SNAP91: variants seen among roughly 807,000 people sequenced by gnomAD.
SNAP91 encodes synaptosome associated protein 91, also known as clathrin coat assembly protein AP180.
A neutral mutation model predicts 100.3 loss-of-function variants in SNAP91; 27 were observed. The ratio of observed to expected loss-of-function variants is 0.27; its 90% CI spans 0.20 to 0.37. The LOEUF (loss-of-function observed/expected upper bound fraction) is 0.37. SNAP91 is among the 10% of genes least tolerant of loss of function. SNAP91 has a pLI of 1.00. For synonymous variants in SNAP91, 404 were observed against 398.6 expected (o/e 1.01, Z -0.16); for missense variants, 986 against 1,123.7 (o/e 0.88, Z 1.75).
chr6:83,558,808 G>T (rs1472034552), intron 28 of SNAP91, among the ~76,000 whole-genome samples: 1 of 152,156 alleles, frequency 6.6e-6, no homozygotes, highest in African/African-American at 2.4e-5. Flanking sequence ...TAGTAATTTG[G>T]TGTCCTGCCC....
At chr6:83,613,712 C>T (rs2096294955) in intron 11 of SNAP91, among the ~76,000 whole-genome samples, 1 of 152,214 alleles carries the variant, frequency 6.6e-6, no homozygotes, top group African/African-American at 2.4e-5. Context: ...AAACTTGGCA[C>T]ATTTGCTTCT....
intron 2 of SNAP91, among the ~76,000 whole-genome samples, chr6:83,668,574 G>GC (rs1221167785): frequency 1.3e-5 from 2 of 151,410 alleles, no homozygotes; most frequent in Non-Finnish European, 2.9e-5. Flanking sequence ...GCAAACTATC[G>GC]CAAGAACAAA....
chr6:83,592,651 G>C (rs1212680165), intron 20 of SNAP91, 113 bp from the exon 21 acceptor site: 1 of 847,924 alleles, frequency 1.2e-6, no homozygotes, highest in Non-Finnish European at 1.9e-6. Flanking sequence ...CAGAAAGACT[G>C]TAGACAATCT....
intron 2 of SNAP91, among the ~76,000 whole-genome samples, chr6:83,697,324 GCACACACACACACACA>G (rs57251608): frequency 4.5e-4 from 62 of 138,150 alleles, no homozygotes; most frequent in African/African-American, 1.4e-3. Context: ...GAAAATAGCT[GCACACACACACACACA>G]CACACACACA....
At position 83,612,144 on chromosome 6, in the gene SNAP91, A is replaced by G. The variant is rs909713429; in HGVS notation, c.885-1467T>C. Among the ~76,000 whole-genome samples the G allele has an allele frequency of 5.3e-5, 8 of 152,264 alleles. No individual in the cohort carries two copies. The East Asian group carries it at 1.4e-3, about 26-fold the overall frequency. On this transcript the variant is annotated intron_variant, in intron 11 of 29. Transcript: ENST00000369694. ...TAGCAAGGGCACAGAGATTTCTGCT[A>G]TATAACAAGCATAAGGGTAACAACT...
chr6:83,634,453 G>T (rs1045037810), intron 8 of SNAP91, among the ~76,000 whole-genome samples: 13 of 152,150 alleles, frequency 8.5e-5, no homozygotes, highest in African/African-American at 3.1e-4. Flanking sequence ...TTCTGGGTCT[G>T]GTAGGAGCAA....
chr6:83,568,492 A>ATAAT (rs1225397931), intron 26 of SNAP91, among the ~76,000 whole-genome samples: 1 of 151,284 alleles, frequency 6.6e-6, no homozygotes, highest in African/African-American at 2.4e-5. Context: ...AATAATAATA[A>ATAAT]TAATAATAAT....
chr6:83,632,590 AT>A (rs1323006186), intron 8 of SNAP91, among the ~76,000 whole-genome samples: 1 of 152,044 alleles, frequency 6.6e-6, no homozygotes, highest in African/African-American at 2.4e-5. Flanking sequence ...GTATTTTCTT[AT>A]TCTTTTTTCT....
At chr6:83,578,606 T>C (rs1028066614) in intron 24 of SNAP91, among the ~76,000 whole-genome samples, 1 of 152,216 alleles carries the variant, frequency 6.6e-6, no homozygotes, top group Non-Finnish European at 1.5e-5. Context: ...ATTGAATTGT[T>C]AGAGTTCTTT....
At chr6:83,643,953 C>T (rs1384737881) in intron 7 of SNAP91, among the ~76,000 whole-genome samples, 3 of 152,114 alleles carry the variant, frequency 2.0e-5, no homozygotes, top group Admixed American at 6.5e-5. Flanking sequence ...GATAAACTCA[C>T]GGTGCTATAA....
At chr6:83,624,739 T>C (rs994715875) in intron 8 of SNAP91, among the ~76,000 whole-genome samples, 1 of 152,004 alleles carries the variant, frequency 6.6e-6, no homozygotes, top group Non-Finnish European at 1.5e-5. Context: ...AATGCTATCC[T>C]TTGAGGAGGG....
At chr6:83,677,546 T>A (rs138038019) in intron 2 of SNAP91, among the ~76,000 whole-genome samples, 2 of 152,150 alleles carry the variant, frequency 1.3e-5, no homozygotes, top group South Asian at 4.1e-4. Context: ...CCAAATATTG[T>A]CAATCCTTAG....
chr6:83,609,106 C>T (rs774669706), intron 12 of SNAP91, among the ~76,000 whole-genome samples: 4 of 151,950 alleles, frequency 2.6e-5, no homozygotes, highest in Non-Finnish European at 5.9e-5. Flanking sequence ...ATATTATCAA[C>T]ATAAATGCAA....
chr6:83,690,587 C>T (rs990343569), intron 2 of SNAP91, among the ~76,000 whole-genome samples: 1 of 152,094 alleles, frequency 6.6e-6, no homozygotes, highest in Non-Finnish European at 1.5e-5. Context: ...CTACTAAAAT[C>T]GGATGCATTT....
At chr6:83,614,546 G>A (rs1218497731) in intron 11 of SNAP91, among the ~76,000 whole-genome samples, 2 of 151,914 alleles carry the variant, frequency 1.3e-5, no homozygotes, top group African/African-American at 4.8e-5. Flanking sequence ...ATAAGCCATG[G>A]GGAAGTCTTT....
intron 7 of SNAP91, among the ~76,000 whole-genome samples, chr6:83,643,345 C>A (rs1392380519): frequency 6.6e-6 from 1 of 152,158 alleles, no homozygotes. Flanking sequence ...AGTCTTTAAT[C>A]CATCTTGAAT....
At chr6:83,600,945 G>C (rs1479353937) in intron 16 of SNAP91, among the ~76,000 whole-genome samples, 2 of 152,168 alleles carry the variant, frequency 1.3e-5, no homozygotes, top group Admixed American at 6.5e-5. Context: ...AAAGGTGACA[G>C]AGAGCTCTGG....
chr6:83,680,155 T>G (rs918761026), intron 2 of SNAP91, among the ~76,000 whole-genome samples: 1 of 152,062 alleles, frequency 6.6e-6, no homozygotes, highest in Non-Finnish European at 1.5e-5. Context: ...GTTTAAAAAT[T>G]TAGGATTAAA....
At chr6:83,580,746 CTG>C (rs1417429121) in intron 23 of SNAP91, 147 bp from the exon 24 acceptor site, 1 of 672,046 alleles carries the variant, frequency 1.5e-6, no homozygotes, top group East Asian at 2.8e-5. Context: ...CTTTTCATGA[CTG>C]TAACACCAAG....
Sources: allele counts gnomAD v4.1 joint callset (sites outside exome capture counted in the v4.1 genomes callset), GRCh38; gene constraint gnomAD v4.1.1; transcripts MANE v1.5; gene names NCBI Gene and HGNC (gene_info 2026-07-23, HGNC 2026-07-21).